Variants in RAPGEF1 observed in about 807,000 individuals in gnomAD.
The protein encoded by RAPGEF1 is CRK SH3-binding GNRP.
A neutral mutation model predicts 143.3 loss-of-function variants in RAPGEF1; 33 were observed. The observed-to-expected ratio is 0.23, with a 90% CI of 0.17 to 0.31. RAPGEF1 has a LOEUF of 0.31. RAPGEF1 is among the 10% of genes least tolerant of loss of function. The pLI is 1.00. For missense variants in RAPGEF1, 1,199 were observed against 1,645.4 expected (o/e 0.73, Z 4.69); for synonymous variants, 629 against 676.5 (o/e 0.93, Z 1.09).
Position 131,628,403 on chromosome 9 carries a change from G to C in RAPGEF1, c.1017+146C>G. 8.6e-7 allele frequency: 1 copy of C among 1,162,576 alleles called. No individual in the cohort carries two copies. The highest frequency in any genetic ancestry group is 2.6e-5 in the East Asian group (1 of 38,474). The allele number at this position is 1,162,576 out of a possible 1,614,324, so 72.0% of individuals were successfully genotyped here. A position where few individuals can be genotyped will look rare whatever the true frequency, so the allele number is the denominator to read the frequency against. ...GAACTTGGACCGTGTCCTGGAGAGA[G>C]AGGGATGGGTACAAGGTCTCGCACT... On this transcript the variant is annotated intron_variant, in intron 8 of 26. Coordinates refer to ENST00000683357, the MANE Select transcript of RAPGEF1 (RefSeq NM_001377935.1). The surrounding 1 kb of genome is among the most constrained non-coding windows in gnomAD (Gnocchi z 5.7).
rs35545545 is a variant in RAPGEF1, at chr9:131,602,099, G to A, written c.2463C>T (p.Ser821=). ...DGHPRDPSAV[S]GVPGKDSRDG... ...CTCTGCTGTCCTTCCCAGGGACGCC[G>A]CTGACCGCTGAGGGATCTCTGGGAT... The change falls in exon 15 of 27, where the codon AGC becomes AGT. Residue 821 remains serine, a synonymous_variant. Coordinates refer to ENST00000683357, the MANE Select transcript of RAPGEF1 (RefSeq NM_001377935.1). The A allele has an allele frequency of 1.3e-4, 214 of 1,603,122 alleles. No homozygotes were observed. Among genetic ancestry groups the A allele is most frequent in the South Asian group, 6.7e-5 (6 of 89,266 alleles).
chr9:131,664,321 C>G (rs894561187), intron 1 of RAPGEF1, among the ~76,000 whole-genome samples: 1 of 152,120 alleles, frequency 6.6e-6, no homozygotes, highest in Non-Finnish European at 1.5e-5. Context: ...AAACCAAGAT[C>G]GGGGCATTAG....
chr9:131,580,636 C>G (rs758058106), intron 25 of RAPGEF1, among the ~76,000 whole-genome samples: 1 of 152,044 alleles, frequency 6.6e-6, no homozygotes, highest in South Asian at 2.1e-4. Context: ...GAGGGTGATG[C>G]GGCTGCCATG....
chr9:131,598,481 G>A (rs1186691779), intron 15 of RAPGEF1, 171 bp from the exon 16 acceptor site: 3 of 702,818 alleles, frequency 4.3e-6, no homozygotes, highest in South Asian at 3.0e-5. Flanking sequence ...CTGACTGGCT[G>A]TGTGGCCATA....
intron 1 of RAPGEF1, among the ~76,000 whole-genome samples, chr9:131,683,115 T>C (rs1298576632): frequency 6.6e-6 from 1 of 152,212 alleles, no homozygotes; most frequent in Non-Finnish European, 1.5e-5. Flanking sequence ...AATTGGGGCA[T>C]GTCCCTGGTA....
At chr9:131,666,536 G>A (rs562310931) in intron 1 of RAPGEF1, among the ~76,000 whole-genome samples, 82 of 152,178 alleles carry the variant, frequency 5.4e-4, no homozygotes, top group African/African-American at 1.9e-3. Flanking sequence ...ACAGGTGCCT[G>A]CTACCACGCC....
At chr9:131,725,995 G>A (rs538266387) in intron 1 of RAPGEF1, among the ~76,000 whole-genome samples, 2 of 151,750 alleles carry the variant, frequency 1.3e-5, no homozygotes, top group African/African-American at 2.4e-5. Flanking sequence ...TCCTGACCTC[G>A]TGATTCACCC....
chr9:131,685,059 G>A (rs1589002760), intron 1 of RAPGEF1, among the ~76,000 whole-genome samples: 1 of 152,198 alleles, frequency 6.6e-6, no homozygotes, highest in Admixed American at 6.5e-5. Flanking sequence ...CCACTGCCGT[G>A]AGTATTCCTT....
intron 5 of RAPGEF1, among the ~76,000 whole-genome samples, chr9:131,631,870 TAATAA>T (rs972178296): frequency 3.9e-5 from 6 of 152,190 alleles, no homozygotes. Flanking sequence ...CCTTGGATGG[TAATAA>T]AATAGAAACT....
At chr9:131,591,938 G>C (rs1954348246) in intron 18 of RAPGEF1, among the ~76,000 whole-genome samples, 161 bp downstream of exon 18, 1 of 152,218 alleles carries the variant, frequency 6.6e-6, no homozygotes, top group African/African-American at 2.4e-5. Flanking sequence ...GGAGGGTAGA[G>C]GTGGGAACCT....
At chr9:131,718,122 C>T (rs1195429514) in intron 1 of RAPGEF1, among the ~76,000 whole-genome samples, 1 of 152,208 alleles carries the variant, frequency 6.6e-6, no homozygotes, top group East Asian at 1.9e-4. Flanking sequence ...AACCGTGGCT[C>T]TTGTCCATGG....
chr9:131,725,596 C>T (rs957432787), intron 1 of RAPGEF1: 6 of 152,330 alleles, frequency 3.9e-5, no homozygotes, highest in Admixed American at 2.0e-4. Flanking sequence ...GTAGCTGGGA[C>T]TACAGGCACG....
intron 25 of RAPGEF1, among the ~76,000 whole-genome samples, chr9:131,580,853 A>C (rs182335890): frequency 4.6e-5 from 7 of 152,294 alleles, no homozygotes; most frequent in African/African-American, 1.7e-4. Context: ...CAAGAGTTTG[A>C]GAACAGCTAG....
intron 22 of RAPGEF1, among the ~76,000 whole-genome samples, chr9:131,587,305 AACACAC>A (rs71374114): frequency 4.5e-5 from 4 of 88,402 alleles, no homozygotes; most frequent in Non-Finnish European, 7.4e-5. Flanking sequence ...CTCCGTCTCA[AACACAC>A]ACACACACAC....
chr9:131,598,349 G>A (rs750674401), intron 15 of RAPGEF1, 39 bp from the exon 16 acceptor site: 10 of 1,561,762 alleles, frequency 6.4e-6, no homozygotes, highest in South Asian at 3.4e-5. Flanking sequence ...GTGTCAAACC[G>A]GCTCAGCTCC....
chr9:131,687,489 C>A (rs1057194832), intron 1 of RAPGEF1, among the ~76,000 whole-genome samples: 6 of 124,812 alleles, frequency 4.8e-5, no homozygotes, highest in African/African-American at 2.2e-4. Context: ...GCCATCGCAC[C>A]CGGCCTTGCA....
chr9:131,723,639 T>C (rs1043539116), intron 1 of RAPGEF1, among the ~76,000 whole-genome samples: 8 of 152,344 alleles, frequency 5.3e-5, no homozygotes, highest in South Asian at 2.1e-4. Flanking sequence ...TAATATTCCA[T>C]GTATGAACAG....
intron 1 of RAPGEF1, among the ~76,000 whole-genome samples, chr9:131,697,602 G>A (rs150825337): frequency 6.6e-6 from 1 of 152,290 alleles, no homozygotes; most frequent in East Asian, 1.9e-4. Context: ...TCTAGGCCAC[G>A]GGTTTCCTAG....
chr9:131,630,108 T>C, intron 6 of RAPGEF1, 128 bp downstream of exon 6: 1 of 755,924 alleles, frequency 1.3e-6, no homozygotes. Context: ...TGCTAACCAC[T>C]GAAAAAGGAA....
Sources: allele counts gnomAD v4.1 joint callset (sites outside exome capture counted in the v4.1 genomes callset), GRCh38; gene constraint gnomAD v4.1.1; non-coding constraint Gnocchi (gnomAD v3.1); transcripts MANE v1.5; gene names NCBI Gene and HGNC (gene_info 2026-07-23, HGNC 2026-07-21).